Variants in PARP12 observed in about 807,000 individuals in gnomAD.
PARP12 encodes poly(ADP-ribose) polymerase family member 12.
Under a neutral mutation model 72.4 loss-of-function variants are expected in PARP12, and 59 were observed. The observed-to-expected ratio is 0.81, with a 90% CI of 0.66 to 1.01. The LOEUF (loss-of-function observed/expected upper bound fraction) is 1.01. PARP12 is among the 50% of genes least tolerant of loss of function. The pLI is 0.00. For synonymous variants in PARP12, 403 were observed against 371.4 expected, an observed-to-expected ratio of 1.09 and a Z score of -0.98; for missense variants, 851 against 914.0, an observed-to-expected ratio of 0.93 and a Z score of 0.89.
At chr7:140,058,958 G>A (rs1817317968) in intron 1 of PARP12, among the ~76,000 whole-genome samples, 1 of 152,084 alleles carries the variant, frequency 6.6e-6, no homozygotes, top group African/African-American at 2.4e-5. Flanking sequence ...AGCCGGGCGA[G>A]GTGGTGCATG....
chr7:140,047,146 C>T (rs1816764802), intron 4 of PARP12, 139 bp from the exon 5 acceptor site: 7 of 937,618 alleles, frequency 7.5e-6, no homozygotes, highest in Middle Eastern at 2.3e-4. Flanking sequence ...TTTTCAGTGC[C>T]GGCATGCCTG....
intron 8 of PARP12, among the ~76,000 whole-genome samples, chr7:140,031,010 G>C (rs946761092): frequency 6.6e-6 from 1 of 152,190 alleles, no homozygotes; most frequent in Non-Finnish European, 1.5e-5. Flanking sequence ...AAAAAGTTGA[G>C]AGGAAGGCAA....
rs3216987 is a variant in PARP12, at chr7:140,046,799, AGTGTGT to A, written c.986+79_986+84del. The A allele has an allele frequency of 3.1e-3, 2,725 of 866,850 alleles. 31 individuals are homozygous for A. In the African/African-American group the frequency reaches 0.034, roughly 11 times the overall value. The allele number at this position is 866,850 out of a possible 1,614,324, so 53.7% of individuals were successfully genotyped here. On this transcript the variant is annotated intron_variant, in intron 5 of 11. Transcript: ENST00000263549. ...GGCACCTCCAGACTAGGCTGCTCACAGTGTGTGTGTGTGTGTGTGTGTGTGTGTGTG... is the reference window on the plus strand; with the variant it reads ...GGCACCTCCAGACTAGGCTGCTCACAGTGTGTGTGTGTGTGTGTGTGTGTG...
intron 5 of PARP12, among the ~76,000 whole-genome samples, chr7:140,044,729 T>C (rs1189545006): frequency 6.6e-6 from 1 of 152,180 alleles, no homozygotes; most frequent in Non-Finnish European, 1.5e-5. Flanking sequence ...AAATAGTCTT[T>C]GAAGAACTGA....
At chr7:140,051,208 G>T (rs1156884505) in intron 4 of PARP12, among the ~76,000 whole-genome samples, 1 of 152,056 alleles carries the variant, frequency 6.6e-6, no homozygotes, top group African/African-American at 2.4e-5. Context: ...GGAATTAAAA[G>T]ATAAAAAATA....
chr7:140,041,705 G>C lies in PARP12; in HGVS notation c.1121C>G (p.Thr374Ser). ...SVTKPPHFILTTDWIWYWSDE... is the reference protein window; with the variant it reads ...SVTKPPHFILSTDWIWYWSDE... Reference sequence around the variant, plus strand: ...ACTCCAGTACCAAATCCAGTCAGTGGTGAGGATGAAGTGTGGAGGTTTGGT... The same window carrying C: ...ACTCCAGTACCAAATCCAGTCAGTGCTGAGGATGAAGTGTGGAGGTTTGGT... Residue 374 changes from threonine (T) to serine (S), a missense_variant, in exon 6 of 12, where the codon ACC (threonine) becomes AGC (serine). Transcript: ENST00000263549. 1 of 1,614,198 alleles carries C rather than the reference G, an allele frequency of 6.2e-7. No individual in the cohort carries two copies. Among genetic ancestry groups the C allele is most frequent in the Non-Finnish European group, 8.5e-7 (1 of 1,180,042 alleles).
chr7:140,024,993 T>C (rs1815677802), intron 11 of PARP12, 108 bp from the exon 12 acceptor site: 1 of 971,042 alleles, frequency 1.0e-6, no homozygotes, highest in Admixed American at 2.3e-5. Flanking sequence ...CCTCTACTCT[T>C]CCACCCCGCA....
At chr7:140,058,157 T>A in intron 1 of PARP12, 123 bp from the exon 2 acceptor site, 1 of 1,113,174 alleles carries the variant, frequency 9.0e-7, no homozygotes, top group Non-Finnish European at 1.3e-6. Context: ...TCTAAAGAGG[T>A]AATTAAGTTA....
intron 4 of PARP12, among the ~76,000 whole-genome samples, chr7:140,053,339 T>C (rs568916316): frequency 6.6e-6 from 1 of 152,310 alleles, no homozygotes; most frequent in South Asian, 2.1e-4. Flanking sequence ...AGGCACAAGA[T>C]AATACACTGT....
intron 8 of PARP12, among the ~76,000 whole-genome samples, chr7:140,031,598 G>C (rs1453592931): frequency 2.0e-5 from 3 of 152,168 alleles, no homozygotes; most frequent in African/African-American, 7.2e-5. Flanking sequence ...TCAGAGAGAA[G>C]AACTGAACAC....
At position 140,062,776 on chromosome 7, in the gene PARP12, G is replaced by C; in HGVS notation, c.72C>G (p.Pro24=). ...CCATCCGCAAGCGGCGCCGCAGCTC[G>C]GGCAACTCCAGGGCGCCCCCGGCCG... ...LCAAGGALEL[P]ELRRRLRMGL... is the part of the protein sequence containing the mutation. The change falls in exon 1 of 12, where the codon CCC becomes CCG. Residue 24 remains proline (P), a synonymous_variant. Transcript: ENST00000263549. 1.4e-6 allele frequency: 2 copies of C among 1,401,918 alleles called. No individual in the cohort carries two copies. Among genetic ancestry groups the C allele is most frequent in the South Asian group, 2.8e-5 (2 of 70,444 alleles). 86.8% of individuals were successfully genotyped at this position (1,401,918 alleles called of 1,614,324 possible). A position where few individuals can be genotyped will look rare whatever the true frequency, so the allele number is the denominator to read the frequency against.
At chr7:140,055,554 T>C (rs1386162975) in intron 3 of PARP12, among the ~76,000 whole-genome samples, 1 of 152,214 alleles carries the variant, frequency 6.6e-6, no homozygotes, top group Non-Finnish European at 1.5e-5. Flanking sequence ...TTTCTTTTTA[T>C]AAGCCCCTGA....
chr7:140,033,906 T>A lies in PARP12; in HGVS notation c.1421+329A>T. 4.0e-6 allele frequency: 4 copies of A among 1,002,370 alleles called. No homozygotes were observed. The South Asian group carries it at 1.3e-4, about 34-fold the overall frequency. 62.1% of individuals were successfully genotyped at this position (1,002,370 alleles called of 1,614,324 possible). A position where few individuals can be genotyped will look rare whatever the true frequency, so the allele number is the denominator to read the frequency against. On this transcript the variant is annotated intron_variant, in intron 8 of 11. Transcript: ENST00000263549. ...TTTCATTATTTCAACATTTAAAAAA[T>A]TCAAGTCTATGACTCAATGATTCCA...
At chr7:140,027,497 G>A (rs574450899) in intron 9 of PARP12, 91 bp from the exon 10 acceptor site, 7 of 1,485,868 alleles carry the variant, frequency 4.7e-6, no homozygotes, top group Middle Eastern at 1.8e-4. Flanking sequence ...CACTAGAACC[G>A]CAGAAGCACA....
rs1262902566 is a variant in PARP12 at position 140,023,857 on chromosome 7, T to G, written c.*703A>C. The G allele has an allele frequency of 1.3e-5, 2 of 155,916 alleles. No individual in the cohort carries two copies. The highest frequency in any genetic ancestry group is 4.8e-5 in the African/African-American group (2 of 41,456). 9.7% of individuals were successfully genotyped at this position (155,916 alleles called of 1,614,324 possible). ...ACACTCGAAGGGTGTCCAGTGTGCTTAGGAAATGTGGGTTTGCGCAATCAC... is the reference window on the plus strand; with the variant it reads ...ACACTCGAAGGGTGTCCAGTGTGCTGAGGAAATGTGGGTTTGCGCAATCAC... On this transcript the variant is annotated 3_prime_UTR_variant, in exon 12 of 12. Coordinates refer to ENST00000263549, the MANE Select transcript of PARP12 (RefSeq NM_022750.4).
chr7:140,054,590 A>G, intron 4 of PARP12, 72 bp downstream of exon 4: 1 of 1,320,048 alleles, frequency 7.6e-7, no homozygotes, highest in Non-Finnish European at 1.1e-6. Context: ...GGGTGACTTC[A>G]GAGCACAGCT....
rs772991261 is a variant in PARP12, at chr7:140,062,885, CGACGCGGACGGCGGCG to C, written c.-54_-39del. 731 of 1,237,108 alleles carry C rather than the reference CGACGCGGACGGCGGCG, an allele frequency of 5.9e-4. 1 individual carries two copies. Among genetic ancestry groups the C allele is most frequent in the Admixed American group, 1.2e-3 (27 of 22,684 alleles). The allele number at this position is 1,237,108 out of a possible 1,614,324, so 76.6% of individuals were successfully genotyped here. Reference sequence around the variant, plus strand: ...TGCTCCCGTCGGACCGCGGGTGGCGCGACGCGGACGGCGGCGGACGCTGGCTGGCGGGCGGCTCTCG... The same window carrying C: ...TGCTCCCGTCGGACCGCGGGTGGCGCGACGCTGGCTGGCGGGCGGCTCTCG... On this transcript the variant is annotated 5_prime_UTR_variant, in exon 1 of 12. Coordinates refer to ENST00000263549, the MANE Select transcript of PARP12 (RefSeq NM_022750.4).
chr7:140,046,721 AGTGTGT>A (rs9340757), intron 5 of PARP12, among the ~76,000 whole-genome samples, 157 bp downstream of exon 5: 2,731 of 135,384 alleles, frequency 0.02, 37 homozygotes, highest in African/African-American at 0.037. Context: ...GGTGGCTCAC[AGTGTGT>A]GTGTGTGTGT....
intron 5 of PARP12, among the ~76,000 whole-genome samples, chr7:140,044,249 T>C (rs1207285750): frequency 6.6e-6 from 1 of 152,244 alleles, no homozygotes; most frequent in Non-Finnish European, 1.5e-5. Context: ...GCTGAAGGTC[T>C]AATCCCTGGT....
Sources: allele counts gnomAD v4.1 joint callset (sites outside exome capture counted in the v4.1 genomes callset), GRCh38; gene constraint gnomAD v4.1.1; transcripts MANE v1.5; gene names NCBI Gene and HGNC (gene_info 2026-07-23, HGNC 2026-07-21).